NALCN: variants seen among roughly 807,000 people sequenced by gnomAD.
NALCN encodes sodium leak channel NALCN.
In NALCN, 111 loss-of-function variants were observed where a neutral mutation model predicts 225.3. The observed-to-expected ratio is 0.49, with a 90% confidence interval of 0.42 to 0.58. The LOEUF is 0.58. NALCN is among the 20% of genes least tolerant of loss of function. The pLI is 0.00. For synonymous variants in NALCN, 764 were observed against 769.0 expected, an observed-to-expected ratio of 0.99 and a Z score of 0.11; for missense variants, 1,378 against 2,202.4, an observed-to-expected ratio of 0.63 and a Z score of 7.49.
chr13:101,063,724 T>C (rs1335566828), intron 40 of NALCN, among the ~76,000 whole-genome samples: 1 of 151,388 alleles, frequency 6.6e-6, no homozygotes, highest in African/African-American at 2.4e-5. Context: ...GCTGATCTGA[T>C]CCTTTTTTTT....
At chr13:101,203,628 T>C (rs2040210778) in intron 13 of NALCN, among the ~76,000 whole-genome samples, 1 of 152,248 alleles carries the variant, frequency 6.6e-6, no homozygotes, top group Admixed American at 6.5e-5. Flanking sequence ...AAGGAATTTC[T>C]TTTAGATACA....
chr13:101,176,469 A>G (rs540528307), intron 14 of NALCN, 95 bp from the exon 15 acceptor site: 35 of 757,254 alleles, frequency 4.6e-5, no homozygotes, highest in South Asian at 2.2e-4. Context: ...TATTGAGTAT[A>G]TAATTCATTA....
chr13:101,062,406 T>C (rs1302405897), intron 40 of NALCN, among the ~76,000 whole-genome samples: 1 of 152,146 alleles, frequency 6.6e-6, no homozygotes, highest in Non-Finnish European at 1.5e-5. Context: ...TAAGTGCCTG[T>C]AAAGCAAAAG....
intron 13 of NALCN, among the ~76,000 whole-genome samples, chr13:101,219,818 T>C (rs1298132141): frequency 6.6e-6 from 1 of 152,168 alleles, no homozygotes; most frequent in Non-Finnish European, 1.5e-5. Context: ...GTAGGAGCAG[T>C]AGACAACTTC....
intron 33 of NALCN, among the ~76,000 whole-genome samples, chr13:101,082,212 A>T (rs2033693026): frequency 6.6e-6 from 1 of 152,222 alleles, no homozygotes; most frequent in Admixed American, 6.5e-5. Flanking sequence ...GTAAACATGT[A>T]GTAACTAAAA....
chr13:101,200,102 T>C lies in NALCN; in HGVS notation c.1627-8048A>G, dbSNP rs541892541. On this transcript the variant is annotated intron_variant, in intron 13 of 43. Transcript: ENST00000251127. ...TATGTTCTGATGACTTCCACAGTTA[T>C]ATTTCCAGCCCCACCTCCAGAATCA... is the stretch of plus-strand genomic sequence containing the variant. Among the ~76,000 whole-genome samples, 18 of 152,202 alleles carry C rather than the reference T, an allele frequency of 1.2e-4. No individual in the cohort carries two copies. The South Asian group carries it at 3.5e-3, about 30-fold the overall frequency.
chr13:101,387,405 A>C (rs1161022977), intron 3 of NALCN, among the ~76,000 whole-genome samples: 1 of 152,216 alleles, frequency 6.6e-6, no homozygotes, highest in Non-Finnish European at 1.5e-5. Flanking sequence ...AGTGAATATT[A>C]AACATTTCAT....
At chr13:101,352,817 T>A (rs1344589003) in intron 6 of NALCN, among the ~76,000 whole-genome samples, 3 of 152,352 alleles carry the variant, frequency 2.0e-5, no homozygotes, top group Non-Finnish European at 4.4e-5. Context: ...TTTACATTGT[T>A]ATTACCTTTT....
intron 12 of NALCN, among the ~76,000 whole-genome samples, chr13:101,235,798 C>A (rs1490581491): frequency 6.6e-6 from 1 of 152,128 alleles, no homozygotes; most frequent in Non-Finnish European, 1.5e-5. Flanking sequence ...GGGGGTTTTG[C>A]TTTTTACTTT....
intron 13 of NALCN, among the ~76,000 whole-genome samples, chr13:101,223,836 C>A (rs1158994117): frequency 6.6e-6 from 1 of 152,066 alleles, no homozygotes; most frequent in African/African-American, 2.4e-5. Flanking sequence ...CCTCTGCCAA[C>A]CCCTCTCATT....
At chr13:101,249,922 T>C (rs559764218) in intron 11 of NALCN, among the ~76,000 whole-genome samples, 1 of 152,202 alleles carries the variant, frequency 6.6e-6, no homozygotes, top group East Asian at 1.9e-4. Context: ...ATCAGAGATA[T>C]GATAATTAGA....
chr13:101,283,053 C>T (rs1036603322), intron 10 of NALCN, among the ~76,000 whole-genome samples: 6 of 152,064 alleles, frequency 3.9e-5, no homozygotes, highest in South Asian at 4.1e-4. Context: ...CCACCCCTTG[C>T]GAGAAGAGGA....
Position 101,104,444 on chromosome 13 carries a change from C to T in NALCN, c.2758-18G>A, listed in dbSNP as rs2034991038. ...TCAGCAATCTGAAACGGGCAAAAGG[C>T]AGTTTGGTTACAATGAACGGAAAAA... On this transcript the variant is annotated intron_variant, in intron 24 of 43. Transcript: ENST00000251127. This position sits in a 1 kb window ranked among gnomAD's most constrained non-coding sequence, Gnocchi z 4.2. 6.2e-7 allele frequency: 1 copy of T among 1,612,302 alleles called. No homozygotes were observed. Among genetic ancestry groups the T allele is most frequent in the Non-Finnish European group, 8.5e-7 (1 of 1,178,774 alleles).
chr13:101,284,347 A>G lies in NALCN; in HGVS notation c.1048-328T>C, dbSNP rs1010630420. Reference sequence around the variant, plus strand: ...ATCCCCATTATATTGATAAATATCTATTAGATCTGGGAGAAAATGAAAATC... The same window carrying G: ...ATCCCCATTATATTGATAAATATCTGTTAGATCTGGGAGAAAATGAAAATC... On this transcript the variant is annotated intron_variant, in intron 9 of 43. Coordinates refer to ENST00000251127, the MANE Select transcript of NALCN (RefSeq NM_052867.4). Among the ~76,000 whole-genome samples, 10 of 152,336 alleles carry G rather than the reference A, an allele frequency of 6.6e-5. No homozygotes were observed. The South Asian group carries it at 2.1e-3, about 32-fold the overall frequency.
At chr13:101,287,013 T>A in intron 9 of NALCN, among the ~76,000 whole-genome samples, 1 of 152,188 alleles carries the variant, frequency 6.6e-6, no homozygotes, top group East Asian at 1.9e-4. Flanking sequence ...TCCAATTTCA[T>A]AATTTATAAT....
Position 101,059,848 on chromosome 13 carries a change from G to A in NALCN, c.4875C>T (p.Ala1625=), listed in dbSNP as rs1281692001. ...ETTQPSEDTN[A]NSQDNSMQPE... is the part of the protein sequence containing the mutation. ...GTTGCATGCTGTTGTCCTGACTGTT[G>A]GCATTCGTGTCCTCACTGGGCTGGG... The change falls in exon 42 of 44, where the codon GCC becomes GCT. Residue 1625 remains alanine (A), a synonymous_variant. Coordinates refer to ENST00000251127, the MANE Select transcript of NALCN (RefSeq NM_052867.4). 10 of 1,614,010 alleles carry A rather than the reference G, an allele frequency of 6.2e-6. No individual in the cohort carries two copies. Among genetic ancestry groups the A allele is most frequent in the Non-Finnish European group, 8.5e-6 (10 of 1,180,002 alleles).
intron 7 of NALCN, among the ~76,000 whole-genome samples, chr13:101,302,633 A>T (rs1213913768): frequency 6.6e-6 from 1 of 152,214 alleles, no homozygotes; most frequent in Non-Finnish European, 1.5e-5. Context: ...ATAATACAGC[A>T]CTAAAAGCAA....
Position 101,292,277 on chromosome 13 carries a change from G to A in NALCN, c.889C>T (p.Arg297Cys), listed in dbSNP as rs2043583459. The change falls in exon 8 of 44, where the codon CGT becomes TGT. Residue 297 changes from arginine (R) to cysteine (C), a missense_variant. Physicochemically the swap from Arg to Cys is radical, Grantham distance 180. Transcript: ENST00000251127. This position sits in a 1 kb window ranked among gnomAD's most constrained non-coding sequence, Gnocchi z 4.3. ...AGAGTGATGAAATAGAAGTAGGAAC[G>A]CCAACGGGGAAAGCTGTCAATTGCT... ...YRAIDSFPRW[R>C]SYFYFITLIF... 1 of 1,614,062 alleles carries A rather than the reference G, an allele frequency of 6.2e-7. No individual in the cohort carries two copies. The highest frequency in any genetic ancestry group is 8.5e-7 in the Non-Finnish European group (1 of 1,180,020).
chr13:101,329,902 G>A (rs1315113131), intron 7 of NALCN, among the ~76,000 whole-genome samples: 13 of 151,774 alleles, frequency 8.6e-5, no homozygotes, highest in Admixed American at 7.9e-4. Context: ...AGCCGGGCGT[G>A]GTGGCTCACG....
Sources: gnomAD v4.1 joint callset for allele counts (sites outside exome capture counted in the v4.1 genomes callset) on GRCh38, gnomAD v4.1.1 for gene constraint, Gnocchi (gnomAD v3.1) non-coding constraint, MANE v1.5 for transcripts, NCBI Gene and HGNC (gene_info 2026-07-23, HGNC 2026-07-21) for gene names.